Variants in ATRNL1 observed in about 807,000 individuals in gnomAD.
ATRNL1 encodes the protein attractin like 1, also known as attractin-like protein 1.
Under a neutral mutation model 182.7 loss-of-function variants are expected in ATRNL1, and 95 were observed. That is an observed-to-expected ratio of 0.52 (90% CI 0.44 to 0.62). The LOEUF (loss-of-function observed/expected upper bound fraction) is 0.62, where lower values mean the gene tolerates loss of function less well. Among genes scored for constraint, ATRNL1 ranks in the 20% least tolerant of loss-of-function variants. ATRNL1 has a pLI of 0.00. For synonymous variants in ATRNL1, 576 were observed against 568.3 expected, an observed-to-expected ratio of 1.01 and a Z score of -0.19; for missense variants, 1,471 against 1,679.5, an observed-to-expected ratio of 0.88 and a Z score of 2.17.
chr10:115,696,147 C>T (rs1244690605), intron 26 of ATRNL1, among the ~76,000 whole-genome samples: 1 of 152,156 alleles, frequency 6.6e-6, no homozygotes, highest in African/African-American at 2.4e-5. Context: ...ATCCGCCTGC[C>T]TTGGCCTCCC....
intron 19 of ATRNL1, among the ~76,000 whole-genome samples, chr10:115,345,097 C>G (rs1400332136): frequency 1.3e-5 from 2 of 152,242 alleles, no homozygotes; most frequent in Admixed American, 1.3e-4. Flanking sequence ...CTCCCTTAGT[C>G]ACCCCCTCTG....
At chr10:115,304,625 G>A in intron 17 of ATRNL1, among the ~76,000 whole-genome samples, 1 of 152,168 alleles carries the variant, frequency 6.6e-6, no homozygotes, top group East Asian at 1.9e-4. Flanking sequence ...AGGAGGGGGT[G>A]TCTGATTTGC....
At chr10:115,277,869 T>A (rs1244512016) in intron 13 of ATRNL1, among the ~76,000 whole-genome samples, 2 of 152,150 alleles carry the variant, frequency 1.3e-5, no homozygotes, top group Non-Finnish European at 2.9e-5. Flanking sequence ...TTATGTAGAT[T>A]TGGAAACAAA....
At chr10:115,684,448 G>GTT (rs371832562) in intron 26 of ATRNL1, among the ~76,000 whole-genome samples, 21,616 of 143,114 alleles carry the variant, frequency 0.15, 2,072 homozygotes, top group East Asian at 0.25. Flanking sequence ...AAAAGTTTCT[G>GTT]TTTTTTTTTT....
At chr10:115,229,172 C>T (rs2144507252) in intron 9 of ATRNL1, among the ~76,000 whole-genome samples, 1 of 152,202 alleles carries the variant, frequency 6.6e-6, no homozygotes, top group African/African-American at 2.4e-5. Context: ...TCTTTCTAAT[C>T]ACATATACTT....
intron 19 of ATRNL1, among the ~76,000 whole-genome samples, chr10:115,393,643 A>G (rs1002445400): frequency 2.0e-5 from 3 of 152,140 alleles, no homozygotes; most frequent in Admixed American, 1.3e-4. Context: ...ATTAATTGTA[A>G]CCTGGAAATA....
intron 17 of ATRNL1, among the ~76,000 whole-genome samples, chr10:115,312,828 T>G (rs1854103169): frequency 6.6e-6 from 1 of 152,096 alleles, no homozygotes. Flanking sequence ...TTTATTTTTG[T>G]TTGATTGGTA....
intron 24 of ATRNL1, among the ~76,000 whole-genome samples, chr10:115,484,385 C>A (rs1158744266): frequency 1.3e-5 from 2 of 151,170 alleles, no homozygotes; most frequent in Non-Finnish European, 1.5e-5. Context: ...GTTAAAAAAA[C>A]CAAGAATCAG....
At chr10:115,259,411 G>A (rs1460811143) in intron 10 of ATRNL1, among the ~76,000 whole-genome samples, 2 of 152,204 alleles carry the variant, frequency 1.3e-5, no homozygotes, top group East Asian at 1.9e-4. Flanking sequence ...TGTGGGTGTG[G>A]TACCTACCAA....
intron 26 of ATRNL1, among the ~76,000 whole-genome samples, chr10:115,558,800 A>AAAATCTACT (rs1172231523): frequency 1.3e-5 from 2 of 152,016 alleles, no homozygotes; most frequent in African/African-American, 4.8e-5. Context: ...CTTATTTAAG[A>AAAATCTACT]AAATCTACTA....
chr10:115,239,687 A>T (rs7907668), intron 9 of ATRNL1, among the ~76,000 whole-genome samples: 1,787 of 152,190 alleles, frequency 0.012, 34 homozygotes, highest in African/African-American at 0.04. Flanking sequence ...TAGTCTCTGG[A>T]GTCTTCTCAA....
At chr10:115,303,862 A>G (rs187174152) in intron 17 of ATRNL1, among the ~76,000 whole-genome samples, 22 of 152,200 alleles carry the variant, frequency 1.4e-4, no homozygotes, top group African/African-American at 2.2e-4. Context: ...TGGTGTATCT[A>G]TTAAACTCAG....
chr10:115,565,190 CAA>C (rs1854004648), intron 26 of ATRNL1, among the ~76,000 whole-genome samples: 1 of 151,872 alleles, frequency 6.6e-6, no homozygotes, highest in Admixed American at 6.6e-5. Context: ...GGCTCTAACT[CAA>C]GTTTATAACA....
intron 21 of ATRNL1, among the ~76,000 whole-genome samples, chr10:115,427,257 C>T (rs567836924): frequency 2.2e-4 from 34 of 152,116 alleles, no homozygotes; most frequent in Non-Finnish European, 4.0e-4. Flanking sequence ...GATTGTTTGC[C>T]ATCTGTATAT....
intron 21 of ATRNL1, among the ~76,000 whole-genome samples, chr10:115,440,441 C>T (rs1202699912): frequency 6.6e-6 from 1 of 151,874 alleles, no homozygotes; most frequent in East Asian, 1.9e-4. Context: ...TTAATAACAT[C>T]ACCTATGAAA....
intron 28 of ATRNL1, among the ~76,000 whole-genome samples, chr10:115,898,469 C>T (rs1320756179): frequency 6.6e-6 from 1 of 152,190 alleles, no homozygotes; most frequent in Non-Finnish European, 1.5e-5. Context: ...ATTGTCTACC[C>T]CATGCTCTAC....
rs149757228 is a variant in ATRNL1, at chr10:115,168,663, C to T, written c.1093-2374C>T. Among the ~76,000 whole-genome samples, 108 of 151,978 alleles carry T rather than the reference C, an allele frequency of 7.1e-4. 1 individual carries two copies. The East Asian group carries it at 0.018, about 26-fold the overall frequency. On this transcript the variant is annotated intron_variant, in intron 7 of 28. Transcript: ENST00000355044. ...TTGCTTATTTTAAAATTAAGTTGTC[C>T]TTTTATTATTGAGTTGTAAGAATTC... is the stretch of plus-strand genomic sequence containing the variant.
chr10:115,245,626 T>A (rs1402286590), intron 10 of ATRNL1, among the ~76,000 whole-genome samples: 1 of 152,024 alleles, frequency 6.6e-6, no homozygotes, highest in Non-Finnish European at 1.5e-5. Context: ...GTAAGGCATA[T>A]AATTTCATAG....
At chr10:115,763,033 G>A (rs1173436356) in intron 27 of ATRNL1, among the ~76,000 whole-genome samples, 1 of 151,946 alleles carries the variant, frequency 6.6e-6, no homozygotes, top group Non-Finnish European at 1.5e-5. Context: ...GGATTGGGAA[G>A]GTTTAAATAA....
Sources: allele counts gnomAD v4.1 joint callset (sites outside exome capture counted in the v4.1 genomes callset), GRCh38; gene constraint gnomAD v4.1.1; transcripts MANE v1.5; gene names NCBI Gene and HGNC (gene_info 2026-07-23, HGNC 2026-07-21).